Variants in KIF20A observed in about 807,000 individuals in gnomAD.
KIF20A encodes the protein kinesin family member 20A, also known as kinesin-like protein KIF20A.
KIF20A carries 66 observed loss-of-function variants against 113.0 expected under a neutral mutation model. That is an observed-to-expected ratio of 0.58 (90% CI 0.48 to 0.72). KIF20A has a LOEUF of 0.72. KIF20A is among the 30% of genes least tolerant of loss of function. KIF20A has a pLI of 0.00. For missense variants in KIF20A, 927 were observed against 1,077.6 expected, an observed-to-expected ratio of 0.86 and a Z score of 1.96; for synonymous variants, 376 against 402.3, an observed-to-expected ratio of 0.93 and a Z score of 0.78.
At position 138,187,695 on chromosome 5, in the gene KIF20A, TAAAAC is replaced by T; in HGVS notation, c.*286_*290del. 1 of 282,662 alleles carries T rather than the reference TAAAAC, an allele frequency of 3.5e-6. No homozygotes were observed. Among genetic ancestry groups the T allele is most frequent in the East Asian group, 7.7e-5 (1 of 12,934 alleles). The allele number at this position is 282,662 out of a possible 1,614,324, so 17.5% of individuals were successfully genotyped here. A position where few individuals can be genotyped will look rare whatever the true frequency, so the allele number is the denominator to read the frequency against. ...TGAATTCCAAATGTAGCAAAATCATTAAAACAAATTATAAAAGGGACAGAAAAATT... is the reference window on the plus strand; with the variant it reads ...TGAATTCCAAATGTAGCAAAATCATTAAATTATAAAAGGGACAGAAAAATT... On this transcript the variant is annotated 3_prime_UTR_variant, in exon 19 of 19. Coordinates refer to ENST00000394894, the MANE Select transcript of KIF20A (RefSeq NM_005733.3).
intron 12 of KIF20A, 48 bp downstream of exon 12, chr5:138,184,452 T>C: frequency 6.2e-7 from 1 of 1,612,360 alleles, no homozygotes; most frequent in Non-Finnish European, 8.5e-7. Context: ...AACTGGTAAC[T>C]CTAAGAAAGC....
chr5:138,183,177 C>T lies in KIF20A; in HGVS notation c.841C>T (p.His281Tyr), dbSNP rs748318818. 1 of 1,613,778 alleles carries T rather than the reference C, an allele frequency of 6.2e-7. No individual in the cohort carries two copies. The highest frequency in any genetic ancestry group is 1.3e-5 in the African/African-American group (1 of 74,928). Residue 281 changes from histidine (H) to tyrosine (Y), a missense_variant, in exon 8 of 19, where the codon CAT (histidine) becomes TAT (tyrosine). Transcript: ENST00000394894. The surrounding 1 kb of genome is among the most constrained non-coding windows in gnomAD (Gnocchi z 5.2). ...TSSSQLDETSHRWAQPDTAPL... is the reference protein window; with the variant it reads ...TSSSQLDETSYRWAQPDTAPL... ...ATTGGCTTCTTCTCCAGAAACAAGT[C>T]ATCGATGGGCACAGCCAGACACTGC...
chr5:138,182,222 T>A, intron 4 of KIF20A, 101 bp from the exon 5 acceptor site: 1 of 1,382,800 alleles, frequency 7.2e-7, no homozygotes, highest in South Asian at 1.4e-5. Flanking sequence ...TTGAGTGGTC[T>A]CCAGAGCCAA....
Position 138,185,545 on chromosome 5 carries a change from C to T in KIF20A, c.1960C>T (p.Leu654Phe), listed in dbSNP as rs1339102193. 6.2e-7 allele frequency: 1 copy of T among 1,613,774 alleles called. No homozygotes were observed. Among genetic ancestry groups the T allele is most frequent in the Non-Finnish European group, 8.5e-7 (1 of 1,180,030 alleles). ...RDEKIEELEA[L>F]LQEARQQSVA... Reference sequence around the variant, plus strand: ...TGAAAAGATTGAAGAGCTAGAAGCTCTCTTGCAGGAAGCCAGACAACAGTC... The same window carrying T: ...TGAAAAGATTGAAGAGCTAGAAGCTTTCTTGCAGGAAGCCAGACAACAGTC... Residue 654 changes from leucine (L) to phenylalanine (F), a missense_variant, in exon 16 of 19, where the codon CTC becomes TTC. By Grantham distance (22) the Leu-to-Phe change is conservative. Transcript: ENST00000394894.
rs1043768876 is a variant in KIF20A, at chr5:138,184,936, C to T, written c.1813C>T (p.Gln605Ter). 1 of 1,614,088 alleles carries T rather than the reference C, an allele frequency of 6.2e-7. No individual in the cohort carries two copies. The highest frequency in any genetic ancestry group is 8.5e-7 in the Non-Finnish European group (1 of 1,179,966). The change falls in exon 14 of 19, where the codon CAG becomes TAG. Residue 605 changes from glutamine to a stop codon, truncating the protein, a stop_gained. Coordinates refer to ENST00000394894, the MANE Select transcript of KIF20A (RefSeq NM_005733.3). LOFTEE classifies it high-confidence loss of function. Reference sequence around the variant, plus strand: ...GGTAGAACAGATGCAACAGCGGGAACAGTGGTGCAGGTACTAGCTGAGTGA... The same window carrying T: ...GGTAGAACAGATGCAACAGCGGGAATAGTGGTGCAGGTACTAGCTGAGTGA... ...EMVEQMQQRE[Q>*]WCSEHLDTQK...
At position 138,185,080 on chromosome 5, in the gene KIF20A, CTCTGTT is replaced by C. The variant is rs771600744; in HGVS notation, c.1824-10_1824-5del. ...AACCTTCACTTACCTCTCTTTTCTC[CTCTGTT>C]TCTGACAGTGAACATTTGGACACCC... On this transcript the variant is annotated splice_polypyrimidine_tract_variant and intron_variant, in intron 14 of 18. Transcript: ENST00000394894. 2.4e-5 allele frequency: 38 copies of C among 1,606,784 alleles called. No homozygotes were observed. The African/African-American group carries it at 3.5e-4, about 15-fold the overall frequency.
intron 16 of KIF20A, 105 bp from the exon 17 acceptor site, chr5:138,185,856 C>T (rs1487433479): frequency 1.5e-6 from 2 of 1,311,828 alleles, no homozygotes; most frequent in South Asian, 1.2e-5. Context: ...TACACATAGC[C>T]TCACTTTTTA....
In KIF20A at chr5:138,185,175, G is replaced by C. The variant is rs141655710; in HGVS notation, c.1904G>C (p.Ser635Thr). ...KLNILKESLT[S>T]FYQEEIQERD... ...AATATCCTCAAGGAGTCACTGACAA[G>C]TTTTTACCAAGAAGAGATTCAGGTG... The change falls in exon 15 of 19, where the codon AGT becomes ACT. Residue 635 changes from serine (S) to threonine (T), a missense_variant. Transcript: ENST00000394894. The C allele has an allele frequency of 1.3e-4, 216 of 1,613,364 alleles. 1 individual carries two copies. The African/African-American group carries it at 2.7e-3, about 20-fold the overall frequency.
rs1754680181 is a variant in KIF20A at position 138,182,691 on chromosome 5, A to G, written c.620A>G (p.Asn207Ser). 2 of 1,614,116 alleles carry G rather than the reference A, an allele frequency of 1.2e-6. No homozygotes were observed. Among genetic ancestry groups the G allele is most frequent in the East Asian group, 4.5e-5 (2 of 44,868 alleles). The change falls in exon 6 of 19, where the codon AAT (asparagine) becomes AGT (serine). Residue 207 changes from asparagine to serine, a missense_variant. By Grantham distance (46) the Asn-to-Ser change is conservative. Transcript: ENST00000394894. ...CCTGATCTGAAGCCCTTGCTCTCCA[A>G]TGAGGTAATCTGGCTAGACAGCAAG... Reference protein sequence around the residue: ...PTPDLKPLLSNEVIWLDSKQI... With the variant: ...PTPDLKPLLSSEVIWLDSKQI...
Position 138,183,597 on chromosome 5 carries a change from G to T in KIF20A, c.1139+16G>T. The T allele has an allele frequency of 6.2e-7, 1 of 1,610,898 alleles. No homozygotes were observed. The highest frequency in any genetic ancestry group is 8.5e-7 in the Non-Finnish European group (1 of 1,177,258). ...CCAGCCGCAGGTGAGTAGATTGTAA[G>T]AATAAACTCTTCACTGTGTTCCAGG... On this transcript the variant is annotated intron_variant, in intron 9 of 18. Transcript: ENST00000394894. The surrounding 1 kb of genome is among the most constrained non-coding windows in gnomAD (Gnocchi z 5.2).
Position 138,183,576 on chromosome 5 carries a change from C to T in KIF20A, c.1134C>T (p.Ser378=). The change falls in exon 9 of 19, where the codon AGC becomes AGT. Residue 378 remains serine, a synonymous_variant. Transcript: ENST00000394894. This position sits in a 1 kb window ranked among gnomAD's most constrained non-coding sequence, Gnocchi z 5.2. The part of the protein sequence containing the change: ...FASTHLNQNS[S]RSHSIFSIRI... Reference sequence around the variant, plus strand: ...GCACCCACCTCAACCAGAACTCCAGCCGCAGGTGAGTAGATTGTAAGAATA... The same window carrying T: ...GCACCCACCTCAACCAGAACTCCAGTCGCAGGTGAGTAGATTGTAAGAATA... The T allele has an allele frequency of 6.2e-7, 1 of 1,613,828 alleles. No individual in the cohort carries two copies. The highest frequency in any genetic ancestry group is 8.5e-7 in the Non-Finnish European group (1 of 1,179,808).
At chr5:138,182,034 TG>T (rs1754669327) in intron 4 of KIF20A, 2 of 565,252 alleles carry the variant, frequency 3.5e-6, no homozygotes, top group Admixed American at 3.2e-5. Flanking sequence ...TCTAGATCCA[TG>T]TATCTCCAAA....
At chr5:138,184,732 G>C in intron 13 of KIF20A, 56 bp downstream of exon 13, 1 of 1,610,034 alleles carries the variant, frequency 6.2e-7, no homozygotes. Context: ...ATTTTTCCAT[G>C]GTGCCTTCCA....
rs1754763065 is a variant in KIF20A at position 138,187,335 on chromosome 5, C to T, written c.2595C>T (p.Asp865=). 1 of 1,614,208 alleles carries T rather than the reference C, an allele frequency of 6.2e-7. No individual in the cohort carries two copies. The highest frequency in any genetic ancestry group is 8.5e-7 in the Non-Finnish European group (1 of 1,180,030). ...PRTPTCQSST[D]CSPYARILRS... The stretch of plus-strand genomic sequence containing the variant: ...CACCAACCTGCCAAAGCTCAACAGA[C>T]TGCAGCCCTTATGCCCGGATCCTAC... The change falls in exon 19 of 19, where the codon GAC becomes GAT. Residue 865 remains aspartate (D), a synonymous_variant. Coordinates refer to ENST00000394894, the MANE Select transcript of KIF20A (RefSeq NM_005733.3).
Position 138,185,946 on chromosome 5 carries a change from G to C in KIF20A, c.2126-15G>C. 6.2e-7 allele frequency: 1 copy of C among 1,611,592 alleles called. No homozygotes were observed. The stretch of plus-strand genomic sequence containing the variant: ...AAACCCCACATATTTTAAGTTTCCT[G>C]TTTCCTTCCCTCAGAGTTGCATAAG... On this transcript the variant is annotated splice_polypyrimidine_tract_variant and intron_variant, in intron 16 of 18. Transcript: ENST00000394894.
Position 138,184,965 on chromosome 5 carries a change from C to CT in KIF20A, c.1823+20dup. The CT allele has an allele frequency of 1.2e-6, 2 of 1,612,844 alleles. No homozygotes were observed. Among genetic ancestry groups the CT allele is most frequent in the Non-Finnish European group, 1.7e-6 (2 of 1,179,108 alleles). ...GGTGCAGGTACTAGCTGAGTGACCC[C>CT]TCTTGCTCTGTCACCTGAGACAGAG... On this transcript the variant is annotated intron_variant, in intron 14 of 18. Coordinates refer to ENST00000394894, the MANE Select transcript of KIF20A (RefSeq NM_005733.3).
At chr5:138,181,897 A>G in intron 4 of KIF20A, 169 bp downstream of exon 4, 1 of 674,074 alleles carries the variant, frequency 1.5e-6, no homozygotes, top group South Asian at 2.0e-5. Flanking sequence ...ACATATGTAT[A>G]TCAGTTCTGA....
At position 138,184,590 on chromosome 5, in the gene KIF20A, C is replaced by A; in HGVS notation, c.1597C>A (p.Pro533Thr). Residue 533 changes from proline (P) to threonine (T), a missense_variant, in exon 13 of 19, where the codon CCC becomes ACC. Transcript: ENST00000394894. ...FIKEHSLQVSPSLEKGAKADT... is the reference protein window; with the variant it reads ...FIKEHSLQVSTSLEKGAKADT... ...CAAGGAACATAGTCTTCAGGTATCC[C>A]CCAGCTTAGAGAAAGGGGCTAAGGC... 6.2e-7 allele frequency: 1 copy of A among 1,614,158 alleles called. No individual in the cohort carries two copies. Among genetic ancestry groups the A allele is most frequent in the Non-Finnish European group, 8.5e-7 (1 of 1,180,014 alleles).
Position 138,185,176 on chromosome 5 carries a change from T to C in KIF20A, c.1905T>C (p.Ser635=). ...ATATCCTCAAGGAGTCACTGACAAG[T>C]TTTTACCAAGAAGAGATTCAGGTGA... ...KLNILKESLT[S]FYQEEIQERD... is the part of the protein sequence containing the mutation. The change falls in exon 15 of 19, where the codon AGT becomes AGC. Residue 635 remains serine, a synonymous_variant. Coordinates refer to ENST00000394894, the MANE Select transcript of KIF20A (RefSeq NM_005733.3). The C allele has an allele frequency of 6.2e-7, 1 of 1,612,984 alleles. No homozygotes were observed. Among genetic ancestry groups the C allele is most frequent in the Non-Finnish European group, 8.5e-7 (1 of 1,179,086 alleles).
Sources: gnomAD v4.1 joint callset for allele counts on GRCh38, gnomAD v4.1.1 for gene constraint, Gnocchi (gnomAD v3.1) non-coding constraint, MANE v1.5 for transcripts, NCBI Gene and HGNC (gene_info 2026-07-23, HGNC 2026-07-21) for gene names.